THBS4: variants seen among roughly 807,000 people sequenced by gnomAD.
The protein encoded by THBS4 is thrombospondin-4.
In THBS4, 90 loss-of-function variants were observed where a neutral mutation model predicts 115.7. The ratio of observed to expected loss-of-function variants is 0.78; its 90% CI spans 0.66 to 0.93. THBS4 has a LOEUF of 0.93. THBS4 is among the 40% of genes least tolerant of loss of function. The pLI is 0.00. For synonymous variants in THBS4, 460 were observed against 479.3 expected (o/e 0.96, Z 0.53); for missense variants, 1,087 against 1,232.7 (o/e 0.88, Z 1.77).
At chr5:80,082,230 G>A (rs1743546381) in intron 20 of THBS4, 176 bp from the exon 21 acceptor site, 1 of 763,740 alleles carries the variant, frequency 1.3e-6, no homozygotes. Flanking sequence ...AGGACTTCCA[G>A]TCTAGTAAGT....
At chr5:79,993,898 C>T (rs535089513) in intron 1 of THBS4, among the ~76,000 whole-genome samples, 2 of 152,142 alleles carry the variant, frequency 1.3e-5, no homozygotes, top group African/African-American at 4.8e-5. Flanking sequence ...CTTGAAGATT[C>T]TGTAATTTGT....
At chr5:80,069,476 C>T (rs1195210180) in intron 10 of THBS4, among the ~76,000 whole-genome samples, 2 of 152,072 alleles carry the variant, frequency 1.3e-5, no homozygotes, top group African/African-American at 2.4e-5. Context: ...TTGAAATCCC[C>T]ATTTTCTGTG....
chr5:80,041,597 C>T lies in THBS4; in HGVS notation c.292+1317C>T, dbSNP rs543153065. On this transcript the variant is annotated intron_variant, in intron 2 of 21. Coordinates refer to ENST00000350881, the MANE Select transcript of THBS4 (RefSeq NM_003248.6). ...CCCTGTGCGTGCCAATTTACACAGG[C>T]CTGTCACTGGTTTGATCCCTCTGCT... 5.3e-5 allele frequency among the ~76,000 whole-genome samples: 8 copies of T among 152,282 alleles called. No individual in the cohort carries two copies. In the South Asian group the frequency reaches 1.7e-3, roughly 32 times the overall value.
intron 2 of THBS4, among the ~76,000 whole-genome samples, chr5:80,047,212 C>T (rs935790940): frequency 2.0e-5 from 3 of 152,270 alleles, no homozygotes; most frequent in Admixed American, 6.5e-5. Context: ...TTAGTGCATA[C>T]ATATGGCCAG....
chr5:80,001,083 A>G (rs405878), intron 2 of THBS4, among the ~76,000 whole-genome samples: 93,418 of 152,028 alleles, frequency 0.61, 28,830 homozygotes, highest in Middle Eastern at 0.66. Context: ...TTCTCACCTG[A>G]TCCATGAGCA....
intron 1 of THBS4, among the ~76,000 whole-genome samples, chr5:80,037,777 A>G (rs1580932004): frequency 6.6e-6 from 1 of 152,154 alleles, no homozygotes; most frequent in African/African-American, 2.4e-5. Flanking sequence ...TCCTGAATGG[A>G]ACTTTAAAAC....
intron 7 of THBS4, among the ~76,000 whole-genome samples, chr5:80,060,771 A>C (rs1833605658): frequency 6.6e-6 from 1 of 152,078 alleles, no homozygotes; most frequent in East Asian, 1.9e-4. Flanking sequence ...ACAAAAAAAA[A>C]CATGGTTAGG....
chr5:80,034,941 C>G (rs890578898), upstream of THBS4, among the ~76,000 whole-genome samples: 1 of 152,160 alleles, frequency 6.6e-6, no homozygotes, highest in African/African-American at 2.4e-5. Context: ...AAAGCCGATC[C>G]AAAGGATATT....
intron 9 of THBS4, chr5:80,067,716 T>C (rs982371889): frequency 1.6e-5 from 6 of 371,210 alleles, no homozygotes; most frequent in Non-Finnish European, 3.0e-5. Flanking sequence ...CTCAGTGTCA[T>C]TGGTTCACAG....
At chr5:80,062,102 A>AGTCT (rs1833657367) in intron 8 of THBS4, among the ~76,000 whole-genome samples, 2 of 152,208 alleles carry the variant, frequency 1.3e-5, no homozygotes. Flanking sequence ...GCATAATTTC[A>AGTCT]GTCTTATTTT....
intron 2 of THBS4, among the ~76,000 whole-genome samples, chr5:80,014,652 C>A (rs1469485716): frequency 6.6e-6 from 1 of 152,114 alleles, no homozygotes; most frequent in Non-Finnish European, 1.5e-5. Flanking sequence ...TGGGTTATAG[C>A]CCAAGGTACA....
intron 2 of THBS4, among the ~76,000 whole-genome samples, chr5:80,029,336 AT>A (rs375877326): frequency 3.8e-4 from 58 of 152,310 alleles, no homozygotes; most frequent in Non-Finnish European, 7.2e-4. Flanking sequence ...CACCATATGG[AT>A]GGATAAATGT....
At position 80,012,836 on chromosome 5, in the gene THBS4, A is replaced by G. The variant is rs376471266; in HGVS notation, n.177+14409A>G. On this transcript the variant is annotated intron_variant and non_coding_transcript_variant, in intron 2 of 3. Coordinates refer to the THBS4 transcript ENST00000510218. ...AATTTCACTCTACTTAAGTAGTGGC[A>G]TTCTATCTTCAGATTAAAGTGTGTT... Among the ~76,000 whole-genome samples, 9 of 152,334 alleles carry G rather than the reference A, an allele frequency of 5.9e-5. No individual in the cohort carries two copies. In the East Asian group the frequency reaches 7.7e-4, roughly 13 times the overall value.
At chr5:80,000,589 G>A (rs1580900152) in intron 2 of THBS4, among the ~76,000 whole-genome samples, 1 of 152,202 alleles carries the variant, frequency 6.6e-6, no homozygotes, top group African/African-American at 2.4e-5. Context: ...GGATGGGACA[G>A]TAAGGCTGTC....
upstream of THBS4, among the ~76,000 whole-genome samples, chr5:80,031,781 G>A (rs534633967): frequency 1.4e-4 from 22 of 152,270 alleles, no homozygotes; most frequent in African/African-American, 3.4e-4. Flanking sequence ...AGCATGTTAC[G>A]TGGCCAAGCC....
At chr5:80,022,972 A>G (rs1402926820) in intron 2 of THBS4, among the ~76,000 whole-genome samples, 2 of 152,182 alleles carry the variant, frequency 1.3e-5, no homozygotes, top group Non-Finnish European at 2.9e-5. Context: ...GATTTAGGAT[A>G]GACCTTTCCC....
intron 2 of THBS4, among the ~76,000 whole-genome samples, chr5:80,024,422 C>T (rs556066010): frequency 1.3e-5 from 2 of 152,276 alleles, no homozygotes; most frequent in South Asian, 2.1e-4. Flanking sequence ...TGATATGTTA[C>T]GCACCACCCT....
chr5:79,999,811 A>T (rs1831861713), intron 2 of THBS4, among the ~76,000 whole-genome samples: 1 of 152,248 alleles, frequency 6.6e-6, no homozygotes, highest in Non-Finnish European at 1.5e-5. Context: ...ACCTCAGTTT[A>T]TGGAAATTCC....
At chr5:80,018,087 A>T in intron 2 of THBS4, among the ~76,000 whole-genome samples, 1 of 152,076 alleles carries the variant, frequency 6.6e-6, no homozygotes, top group East Asian at 1.9e-4. Context: ...GATTTGGCTT[A>T]TCATCTTTCA....
Sources: allele counts gnomAD v4.1 joint callset (sites outside exome capture counted in the v4.1 genomes callset), GRCh38; gene constraint gnomAD v4.1.1; transcripts MANE v1.5; gene names NCBI Gene and HGNC (gene_info 2026-07-23, HGNC 2026-07-21).